The following CAMK1D variants were observed in gnomAD, a reference collection of about 807,000 sequenced individuals.
The protein encoded by CAMK1D is calcium/calmodulin-dependent protein kinase type 1D.
In CAMK1D, 9 loss-of-function variants were observed where a neutral mutation model predicts 47.7. The ratio of observed to expected loss-of-function variants is 0.19; its 90% CI spans 0.11 to 0.33. The LOEUF (loss-of-function observed/expected upper bound fraction) is 0.33, where lower values mean the gene tolerates loss of function less well. Ranked by LOEUF, CAMK1D falls within the 10% of genes least tolerant of loss-of-function variation. The pLI is 1.00. For synonymous variants in CAMK1D, 184 were observed against 184.9 expected (o/e 0.99, Z 0.04); for missense variants, 291 against 488.7 (o/e 0.60, Z 3.81).
chr10:12,386,214 C>T (rs1054803111), intron 1 of CAMK1D, among the ~76,000 whole-genome samples: 24 of 152,194 alleles, frequency 1.6e-4, no homozygotes, highest in African/African-American at 4.6e-4. Flanking sequence ...CAAGGTGGAC[C>T]GATTGCTTGA....
rs1446626645 is a variant in CAMK1D at position 12,428,420 on chromosome 10, C to A, written c.92+78510C>A. Among the ~76,000 whole-genome samples, 6 of 152,298 alleles carry A rather than the reference C, an allele frequency of 3.9e-5. No homozygotes were observed. In the East Asian group the frequency reaches 1.2e-3, roughly 29 times the overall value. ...TTTCTCACCAAAATTTCTTTTCTTT[C>A]TCCACGTTCGACATTCTATCTCATG... On this transcript the variant is annotated intron_variant, in intron 1 of 10. Transcript: ENST00000619168.
chr10:12,704,130 C>G (rs1833639928), intron 3 of CAMK1D, among the ~76,000 whole-genome samples: 1 of 152,158 alleles, frequency 6.6e-6, no homozygotes, highest in Non-Finnish European at 1.5e-5. Context: ...TTTATTAACT[C>G]TTACTGCAGG....
intron 10 of CAMK1D, among the ~76,000 whole-genome samples, chr10:12,828,498 C>T (rs945237694): frequency 7.2e-5 from 11 of 151,992 alleles, no homozygotes; most frequent in African/African-American, 1.7e-4. Flanking sequence ...AAAATTAGCC[C>T]GGCGTGGTGG....
chr10:12,564,867 G>T (rs565177358), intron 2 of CAMK1D, among the ~76,000 whole-genome samples: 1 of 152,294 alleles, frequency 6.6e-6, no homozygotes, highest in African/African-American at 2.4e-5. Context: ...ACATGTAAAT[G>T]TACTATATGT....
At chr10:12,552,584 A>G (rs548537611) in intron 1 of CAMK1D, among the ~76,000 whole-genome samples, 1 of 151,994 alleles carries the variant, frequency 6.6e-6, no homozygotes, top group South Asian at 2.1e-4. Flanking sequence ...TGTAGGAGGA[A>G]CCTCTTGTGG....
At chr10:12,733,622 G>T (rs567091486) in intron 3 of CAMK1D, among the ~76,000 whole-genome samples, 49 of 152,306 alleles carry the variant, frequency 3.2e-4, no homozygotes, top group African/African-American at 1.2e-3. Flanking sequence ...ACCAGGTAGT[G>T]TTCTAGAAAC....
chr10:12,601,839 C>T (rs1232440296), intron 2 of CAMK1D, among the ~76,000 whole-genome samples: 3 of 152,210 alleles, frequency 2.0e-5, no homozygotes, highest in Non-Finnish European at 2.9e-5. Flanking sequence ...CCTGCAGAAT[C>T]GTCTTAGCCT....
intron 1 of CAMK1D, among the ~76,000 whole-genome samples, chr10:12,405,527 C>T (rs937491771): frequency 2.0e-5 from 3 of 152,106 alleles, no homozygotes; most frequent in African/African-American, 4.8e-5. Flanking sequence ...ACTAAGCGCC[C>T]GTCTTTAAAA....
intron 2 of CAMK1D, among the ~76,000 whole-genome samples, chr10:12,557,837 C>T (rs114427780): frequency 6.8e-4 from 104 of 152,310 alleles, no homozygotes; most frequent in African/African-American, 2.3e-3. Context: ...GAAAGACTGC[C>T]TGCCCCCCTT....
intron 4 of CAMK1D, among the ~76,000 whole-genome samples, chr10:12,761,963 C>A (rs1328278537): frequency 6.6e-6 from 1 of 152,126 alleles, no homozygotes; most frequent in Non-Finnish European, 1.5e-5. Context: ...GTATATTGAC[C>A]CTTTCCCCGT....
chr10:12,791,312 A>G lies in CAMK1D; in HGVS notation c.641+79A>G, dbSNP rs950292331. On this transcript the variant is annotated intron_variant, in intron 6 of 10. Coordinates refer to ENST00000619168, the MANE Select transcript of CAMK1D (RefSeq NM_153498.4). ...GTGAAATATACATGAAACAAAATTTACCATTTTTAAGGGTACAGTTTAAGG... is the reference window on the plus strand; with the variant it reads ...GTGAAATATACATGAAACAAAATTTGCCATTTTTAAGGGTACAGTTTAAGG... 54 of 1,321,896 alleles carry G rather than the reference A, an allele frequency of 4.1e-5. 1 individual carries two copies. Among genetic ancestry groups the G allele is most frequent in the East Asian group, 1.6e-4 (7 of 43,386 alleles). The allele number at this position is 1,321,896 out of a possible 1,614,324, so 81.9% of individuals were successfully genotyped here.
At chr10:12,732,311 G>A (rs1834923179) in intron 3 of CAMK1D, among the ~76,000 whole-genome samples, 1 of 152,118 alleles carries the variant, frequency 6.6e-6, no homozygotes, top group Non-Finnish European at 1.5e-5. Flanking sequence ...TGCATGTTGA[G>A]GTTTGTAGGT....
Position 12,385,249 on chromosome 10 carries a change from A to G in CAMK1D, c.92+35339A>G, listed in dbSNP as rs74758397. Among the ~76,000 whole-genome samples the G allele has an allele frequency of 4.1e-3, 625 of 152,344 alleles. 2 individuals are homozygous for G. Among genetic ancestry groups the G allele is most frequent in the African/African-American group, 0.015 (604 of 41,588 alleles). ...TGAGCCAGCCATTCTGTTCCTAGGT[A>G]TACATCTAAGAGAAATGAAAATATG... is the stretch of plus-strand genomic sequence containing the variant. On this transcript the variant is annotated intron_variant, in intron 1 of 10. Transcript: ENST00000619168.
chr10:12,379,619 G>A (rs879941043), intron 1 of CAMK1D, among the ~76,000 whole-genome samples: 7 of 152,014 alleles, frequency 4.6e-5, no homozygotes, highest in Non-Finnish European at 7.4e-5. Flanking sequence ...CGGGCATGGT[G>A]GTGCACATCT....
chr10:12,351,257 A>G (rs574076660), intron 1 of CAMK1D, among the ~76,000 whole-genome samples: 2 of 152,178 alleles, frequency 1.3e-5, no homozygotes, highest in African/African-American at 4.8e-5. Context: ...GAGGGCACCT[A>G]TTTGCTATCT....
intron 5 of CAMK1D, among the ~76,000 whole-genome samples, chr10:12,780,341 A>G (rs549386576): frequency 1.2e-4 from 19 of 152,324 alleles, no homozygotes; most frequent in African/African-American, 4.3e-4. Flanking sequence ...CCTTTCACTT[A>G]AACTTGGGGA....
rs1254531851 is a variant in CAMK1D, at chr10:12,553,475, C to A, written c.224+119C>A. 5.4e-6 allele frequency: 4 copies of A among 742,318 alleles called. No homozygotes were observed. In the African/African-American group the frequency reaches 7.1e-5, roughly 13 times the overall value. The allele number at this position is 742,318 out of a possible 1,614,324, so 46.0% of individuals were successfully genotyped here. ...CAGAGGGGCCCCCAGAGGACCCAGGCTGTGCAAACGATAACCAACTTTCAA... is the reference window on the plus strand; with the variant it reads ...CAGAGGGGCCCCCAGAGGACCCAGGATGTGCAAACGATAACCAACTTTCAA... On this transcript the variant is annotated intron_variant, in intron 2 of 10. Coordinates refer to ENST00000619168, the MANE Select transcript of CAMK1D (RefSeq NM_153498.4).
intron 1 of CAMK1D, among the ~76,000 whole-genome samples, chr10:12,390,225 A>G (rs1033828992): frequency 2.0e-5 from 3 of 152,062 alleles, no homozygotes; most frequent in Non-Finnish European, 2.9e-5. Context: ...ACTATAAAGT[A>G]GTTGTCTCTA....
At position 12,791,044 on chromosome 10, in the gene CAMK1D, C is replaced by T. The variant is rs2130998074; in HGVS notation, c.566-114C>T. ...AACACATAAAATGGGTTATGTCTCTCTACTCAGTTTTTATACTCACTGAAA... is the reference window on the plus strand; with the variant it reads ...AACACATAAAATGGGTTATGTCTCTTTACTCAGTTTTTATACTCACTGAAA... On this transcript the variant is annotated intron_variant, in intron 5 of 10. Coordinates refer to ENST00000619168, the MANE Select transcript of CAMK1D (RefSeq NM_153498.4). 13 of 834,120 alleles carry T rather than the reference C, an allele frequency of 1.6e-5. No individual in the cohort carries two copies. In the South Asian group the frequency reaches 2.1e-4, roughly 13 times the overall value. 51.7% of individuals were successfully genotyped at this position (834,120 alleles called of 1,614,324 possible).
Sources: allele counts gnomAD v4.1 joint callset (sites outside exome capture counted in the v4.1 genomes callset), GRCh38; gene constraint gnomAD v4.1.1; transcripts MANE v1.5; gene names NCBI Gene and HGNC (gene_info 2026-07-23, HGNC 2026-07-21).